PDE7A: variants seen among roughly 807,000 people sequenced by gnomAD.
PDE7A encodes phosphodiesterase 7A.
Under a neutral mutation model 64.3 loss-of-function variants are expected in PDE7A, and 39 were observed. That is an observed-to-expected ratio of 0.61 (90% CI 0.47 to 0.79). PDE7A has a LOEUF of 0.79. PDE7A is among the 30% of genes least tolerant of loss of function. PDE7A has a pLI of 0.00. For synonymous variants in PDE7A, 203 were observed against 206.8 expected (o/e 0.98, Z 0.16); for missense variants, 470 against 582.8 (o/e 0.81, Z 1.99).
intron 1 of PDE7A, among the ~76,000 whole-genome samples, chr8:65,825,951 A>G (rs897462969): frequency 6.6e-6 from 1 of 152,130 alleles, no homozygotes; most frequent in Non-Finnish European, 1.5e-5. Context: ...GTAATGGGAT[A>G]GATGGGGGAT....
At chr8:65,779,907 G>T in intron 2 of PDE7A, 104 bp from the exon 3 acceptor site, 1 of 605,572 alleles carries the variant, frequency 1.7e-6, no homozygotes. Flanking sequence ...ATAAGTAACA[G>T]CCCACTGATC....
chr8:65,723,910 G>A (rs906710157), intron 11 of PDE7A, among the ~76,000 whole-genome samples: 6 of 152,014 alleles, frequency 3.9e-5, no homozygotes, highest in African/African-American at 1.2e-4. Context: ...TCCTGGATCC[G>A]GGTTTTAAAT....
chr8:65,757,601 T>TTTTTG lies in PDE7A; in HGVS notation c.284-9803_284-9799dup, dbSNP rs368448878. Among the ~76,000 whole-genome samples the TTTTTG allele has an allele frequency of 3.6e-3, 533 of 148,670 alleles. 3 individuals are homozygous for TTTTTG. Among genetic ancestry groups the TTTTTG allele is most frequent in the African/African-American group, 0.011 (465 of 41,418 alleles). On this transcript the variant is annotated intron_variant, in intron 3 of 12. Coordinates refer to ENST00000401827, the MANE Select transcript of PDE7A (RefSeq NM_001242318.3). Reference sequence around the variant, plus strand: ...TGTTGTCTCTTGCTCCAAGACTTTGTTTTTGTTTTGTTTTGTTTTGTTTTG... The same window carrying TTTTTG: ...TGTTGTCTCTTGCTCCAAGACTTTGTTTTTGTTTTGTTTTGTTTTGTTTTGTTTTG...
rs975498262 is a variant in PDE7A, at chr8:65,715,099, A to G, written c.*4191T>C. Among the ~76,000 whole-genome samples the G allele has an allele frequency of 1.3e-5, 2 of 152,156 alleles. No individual in the cohort carries two copies. The highest frequency in any genetic ancestry group is 2.4e-5 in the African/African-American group (1 of 41,432). On this transcript the variant is annotated 3_prime_UTR_variant, in exon 13 of 13. Coordinates refer to ENST00000401827, the MANE Select transcript of PDE7A (RefSeq NM_001242318.3). Reference sequence around the variant, plus strand: ...CCCAAAGGGTGGCCATGTGTGTGAAAATTTTTAGTCTCCCATGTAAAATAA... The same window carrying G: ...CCCAAAGGGTGGCCATGTGTGTGAAGATTTTTAGTCTCCCATGTAAAATAA...
At chr8:65,781,894 G>T (rs183276006) in intron 2 of PDE7A, among the ~76,000 whole-genome samples, 330 of 152,302 alleles carry the variant, frequency 2.2e-3, no homozygotes, top group Non-Finnish European at 3.7e-3. Context: ...CTGCACATTT[G>T]TGGGGGAAAA....
At chr8:65,745,100 G>A (rs1807614075) in intron 5 of PDE7A, among the ~76,000 whole-genome samples, 1 of 152,162 alleles carries the variant, frequency 6.6e-6, no homozygotes, top group Non-Finnish European at 1.5e-5. Context: ...TTCATAAGGG[G>A]TTTCCCCTTT....
intron 12 of PDE7A, chr8:65,722,373 A>G (rs996894027): frequency 3.9e-5 from 6 of 152,400 alleles, no homozygotes; most frequent in Admixed American, 2.6e-4. Flanking sequence ...TGCAATCACA[A>G]TGTAAGAATT....
rs1267305359 is a variant in PDE7A, at chr8:65,717,024, C to G, written c.*2266G>C. On this transcript the variant is annotated 3_prime_UTR_variant, in exon 13 of 13. Transcript: ENST00000401827. ...CACTGGATTTCAAAGACTTAGTACCCCCCAAAAGAATGTAAAAACATCTAA... is the reference window on the plus strand; with the variant it reads ...CACTGGATTTCAAAGACTTAGTACCGCCCAAAAGAATGTAAAAACATCTAA... Among the ~76,000 whole-genome samples, 2 of 152,094 alleles carry G rather than the reference C, an allele frequency of 1.3e-5. No homozygotes were observed. The highest frequency in any genetic ancestry group is 4.8e-5 in the African/African-American group (2 of 41,392).
intron 4 of PDE7A, among the ~76,000 whole-genome samples, chr8:65,746,250 T>C (rs1005821836): frequency 6.6e-6 from 1 of 152,092 alleles, no homozygotes; most frequent in Admixed American, 6.5e-5. Flanking sequence ...TTGTTTTCAA[T>C]TCTCATTTTA....
intron 1 of PDE7A, among the ~76,000 whole-genome samples, chr8:65,790,609 A>G (rs1042947543): frequency 5.3e-5 from 8 of 152,256 alleles, no homozygotes; most frequent in Admixed American, 2.6e-4. Flanking sequence ...TAGGCTTGTC[A>G]AAATGAAGTG....
intron 7 of PDE7A, among the ~76,000 whole-genome samples, chr8:65,734,549 C>G (rs1239520247): frequency 6.6e-6 from 1 of 152,148 alleles, no homozygotes; most frequent in Non-Finnish European, 1.5e-5. Context: ...TGCCAGCAGT[C>G]GAGGTTTCAA....
In PDE7A at chr8:65,724,894, A is replaced by G. The variant is rs768477754; in HGVS notation, c.948T>C (p.Ala316=). The part of the protein sequence containing the change: ...SRQQMETQIG[A]LILATDISRQ... ...GACTGATGTCTGTGGCTAGTATCAG[A>G]GCACCTATCTGTGTCTCCATTTGTT... Residue 316 remains alanine (A), a synonymous_variant, in exon 10 of 13, where the codon GCT becomes GCC. Coordinates refer to ENST00000401827, the MANE Select transcript of PDE7A (RefSeq NM_001242318.3). 6.2e-7 allele frequency: 1 copy of G among 1,608,744 alleles called. No homozygotes were observed. Among genetic ancestry groups the G allele is most frequent in the South Asian group, 1.1e-5 (1 of 90,496 alleles).
intron 1 of PDE7A, among the ~76,000 whole-genome samples, chr8:65,824,914 A>G (rs1254415211): frequency 6.6e-6 from 1 of 152,206 alleles, no homozygotes; most frequent in Non-Finnish European, 1.5e-5. Context: ...GTATGCCTAT[A>G]GATAGAGCAG....
chr8:65,744,125 G>A (rs1807564804), intron 5 of PDE7A, among the ~76,000 whole-genome samples: 1 of 152,044 alleles, frequency 6.6e-6, no homozygotes, highest in South Asian at 2.1e-4. Context: ...GAGCCACCAC[G>A]CCCAGCCTAG....
chr8:65,735,017 G>C, intron 6 of PDE7A, 123 bp from the exon 7 acceptor site: 1 of 646,464 alleles, frequency 1.5e-6, no homozygotes, highest in Non-Finnish European at 2.8e-6. Context: ...AAATCGTGCC[G>C]ATTCGGGCAG....
chr8:65,797,754 T>C (rs1045588474), intron 1 of PDE7A, among the ~76,000 whole-genome samples: 2 of 152,136 alleles, frequency 1.3e-5, no homozygotes, highest in Non-Finnish European at 2.9e-5. Flanking sequence ...GGGGAAAGTA[T>C]AGTCTTTTCA....
chr8:65,767,329 C>T (rs1808841123), intron 3 of PDE7A, among the ~76,000 whole-genome samples: 1 of 152,142 alleles, frequency 6.6e-6, no homozygotes, highest in African/African-American at 2.4e-5. Flanking sequence ...AGAGACTGTG[C>T]TTTCTGTTGT....
At chr8:65,804,021 C>T (rs1241671201) in intron 1 of PDE7A, among the ~76,000 whole-genome samples, 1 of 152,112 alleles carries the variant, frequency 6.6e-6, no homozygotes, top group Admixed American at 6.6e-5. Context: ...TTTTAATATG[C>T]TGATATAATT....
chr8:65,771,884 CAAAAAAAAAAA>C (rs36101490), intron 3 of PDE7A, among the ~76,000 whole-genome samples: 8 of 55,836 alleles, frequency 1.4e-4, no homozygotes, highest in Admixed American at 2.4e-4. Flanking sequence ...CTCCATCTCT[CAAAAAAAAAAA>C]AAAAAAAAAA....
Sources: gnomAD v4.1 joint callset for allele counts (sites outside exome capture counted in the v4.1 genomes callset) on GRCh38, gnomAD v4.1.1 for gene constraint, MANE v1.5 for transcripts, NCBI Gene and HGNC (gene_info 2026-07-23, HGNC 2026-07-21) for gene names.